The following GSK3B variants were observed in gnomAD, a reference collection of about 807,000 sequenced individuals.
GSK3B encodes the protein glycogen synthase kinase 3 beta.
In GSK3B, 15 loss-of-function variants were observed where a neutral mutation model predicts 56.4. The ratio of observed to expected loss-of-function variants is 0.27; its 90% CI spans 0.18 to 0.41. The LOEUF (loss-of-function observed/expected upper bound fraction) is 0.41, where lower values mean the gene tolerates loss of function less well. Ranked by LOEUF, GSK3B falls within the 10% of genes least tolerant of loss-of-function variation. The probability of loss-of-function intolerance (pLI) is 1.00; values close to 1 mark genes in which losing one functional copy is unlikely to be tolerated. For missense variants in GSK3B, 300 were observed against 513.4 expected, an observed-to-expected ratio of 0.58 and a Z score of 4.02; for synonymous variants, 181 against 188.9, an observed-to-expected ratio of 0.96 and a Z score of 0.34.
intron 1 of GSK3B, among the ~76,000 whole-genome samples, chr3:120,080,787 G>A (rs1200123929): frequency 1.3e-5 from 2 of 150,928 alleles, no homozygotes; most frequent in East Asian, 1.9e-4. Context: ...GCCAAATCAC[G>A]CCACTGCACT....
chr3:120,089,672 T>C (rs1263450694), intron 1 of GSK3B, among the ~76,000 whole-genome samples: 2 of 152,230 alleles, frequency 1.3e-5, no homozygotes, highest in Non-Finnish European at 2.9e-5. Context: ...TATATTTAAG[T>C]ATTAAACCTA....
intron 9 of GSK3B, among the ~76,000 whole-genome samples, chr3:119,855,336 C>T (rs974847021): frequency 2.4e-4 from 36 of 152,162 alleles, no homozygotes; most frequent in African/African-American, 8.7e-4. Flanking sequence ...ACAACAGGTG[C>T]TGGAGAGGAT....
chr3:119,878,711 T>C (rs55658250), intron 7 of GSK3B, among the ~76,000 whole-genome samples: 13,914 of 152,140 alleles, frequency 0.091, 783 homozygotes, highest in Non-Finnish European at 0.12. Flanking sequence ...CAAACCAAAA[T>C]GGCATCATCA....
At chr3:119,975,195 C>G (rs2057399268) in intron 2 of GSK3B, among the ~76,000 whole-genome samples, 1 of 152,148 alleles carries the variant, frequency 6.6e-6, no homozygotes, top group South Asian at 2.1e-4. Context: ...GCCTGTAATC[C>G]CAGAACTTTG....
intron 2 of GSK3B, among the ~76,000 whole-genome samples, chr3:119,990,982 A>C (rs2057559573): frequency 6.6e-6 from 1 of 152,178 alleles, no homozygotes; most frequent in South Asian, 2.1e-4. Flanking sequence ...CTCCATTCAC[A>C]ACCTAACAAT....
chr3:119,963,728 A>G (rs981535837), intron 2 of GSK3B, among the ~76,000 whole-genome samples: 1 of 152,198 alleles, frequency 6.6e-6, no homozygotes, highest in African/African-American at 2.4e-5. Flanking sequence ...AATAAAGTCA[A>G]TGGATCTTCA....
At chr3:120,050,395 C>T (rs1049161627) in intron 1 of GSK3B, among the ~76,000 whole-genome samples, 6 of 152,320 alleles carry the variant, frequency 3.9e-5, no homozygotes, top group African/African-American at 1.2e-4. Context: ...CAAAGACAGA[C>T]GGCTAGCCGT....
chr3:119,876,665 C>T (rs557291399), intron 7 of GSK3B, among the ~76,000 whole-genome samples, 157 bp from the exon 8 acceptor site: 17 of 152,206 alleles, frequency 1.1e-4, no homozygotes, highest in African/African-American at 3.9e-4. Context: ...AATATGTCCC[C>T]CAAAGCTCAT....
At chr3:119,917,608 G>C (rs1260553423) in intron 4 of GSK3B, among the ~76,000 whole-genome samples, 2 of 150,604 alleles carry the variant, frequency 1.3e-5, no homozygotes, top group African/African-American at 4.9e-5. Context: ...AGATTTTACT[G>C]TGTCAGGGTA....
intron 6 of GSK3B, among the ~76,000 whole-genome samples, chr3:119,908,660 T>A (rs1247236833): frequency 2.0e-5 from 3 of 152,228 alleles, no homozygotes; most frequent in African/African-American, 7.2e-5. Flanking sequence ...CACATACATA[T>A]ACACATTATT....
chr3:119,948,169 T>C (rs1469810816), intron 2 of GSK3B, among the ~76,000 whole-genome samples: 1 of 149,720 alleles, frequency 6.7e-6, no homozygotes, highest in East Asian at 1.9e-4. Flanking sequence ...ATGCCAGCTT[T>C]CTAGCCAAAA....
chr3:119,864,158 T>C (rs1228809396), intron 8 of GSK3B, among the ~76,000 whole-genome samples: 1 of 152,204 alleles, frequency 6.6e-6, no homozygotes, highest in African/African-American at 2.4e-5. Flanking sequence ...TAGAATTTGA[T>C]AAAATGTCCT....
chr3:119,922,191 AGGTAGGTAGGGAAGGAG>A (rs2056847080), intron 4 of GSK3B, among the ~76,000 whole-genome samples: 1 of 139,804 alleles, frequency 7.2e-6, no homozygotes, highest in Non-Finnish European at 1.5e-5. Flanking sequence ...GTAGGTAGGT[AGGTAGGTAGGGAAGGAG>A]GGAAGGAAGG....
intron 2 of GSK3B, among the ~76,000 whole-genome samples, chr3:119,984,661 C>T (rs1576248469): frequency 6.6e-6 from 1 of 152,064 alleles, no homozygotes; most frequent in African/African-American, 2.4e-5. Context: ...CAAGAATAAA[C>T]CAGGAAGAAG....
At chr3:120,001,167 TG>T (rs63227660) in intron 2 of GSK3B, among the ~76,000 whole-genome samples, 151,834 of 151,834 alleles carry the variant, frequency 1, 75,917 homozygotes, top group Non-Finnish European at 1. Context: ...CACTCATGAA[TG>T]GGGTTAGCAC....
At chr3:119,925,745 A>G (rs889783791) in intron 3 of GSK3B, among the ~76,000 whole-genome samples, 1 of 151,830 alleles carries the variant, frequency 6.6e-6, no homozygotes, top group African/African-American at 2.4e-5. Flanking sequence ...AATCACCACC[A>G]TATTTCTGCC....
At chr3:120,004,336 G>C (rs1380372533) in intron 1 of GSK3B, among the ~76,000 whole-genome samples, 3 of 152,196 alleles carry the variant, frequency 2.0e-5, no homozygotes, top group African/African-American at 7.2e-5. Flanking sequence ...TCTGGGGGCA[G>C]GGCATATCTG....
intron 1 of GSK3B, among the ~76,000 whole-genome samples, chr3:120,082,501 A>G (rs1293661132): frequency 6.7e-6 from 1 of 148,874 alleles, no homozygotes; most frequent in Non-Finnish European, 1.5e-5. Flanking sequence ...GGTTCAAGCA[A>G]TTCTCTGCCT....
intron 1 of GSK3B, among the ~76,000 whole-genome samples, chr3:120,038,767 A>T (rs1323612252): frequency 6.6e-6 from 1 of 151,960 alleles, no homozygotes; most frequent in Non-Finnish European, 1.5e-5. Flanking sequence ...AATCCAAGTA[A>T]CCTTTGGTTT....
Sources: allele counts gnomAD v4.1 joint callset (sites outside exome capture counted in the v4.1 genomes callset), GRCh38; gene constraint gnomAD v4.1.1; transcripts MANE v1.5; gene names NCBI Gene and HGNC (gene_info 2026-07-23, HGNC 2026-07-21).